CDC14A: variants seen among roughly 807,000 people sequenced by gnomAD.
CDC14A encodes dual specificity protein phosphatase CDC14A.
Under a neutral mutation model 74.4 loss-of-function variants are expected in CDC14A, and 53 were observed. The ratio of observed to expected loss-of-function variants is 0.71; its 90% confidence interval spans 0.57 to 0.89. The LOEUF is 0.89. Ranked by LOEUF, CDC14A falls within the 40% of genes least tolerant of loss-of-function variation. The pLI is 0.00. For synonymous variants in CDC14A, 247 were observed against 258.4 expected, an observed-to-expected ratio of 0.96 and a Z score of 0.43; for missense variants, 646 against 713.7, an observed-to-expected ratio of 0.91 and a Z score of 1.08.
intron 10 of CDC14A, among the ~76,000 whole-genome samples, chr1:100,478,833 G>A (rs1669176125): frequency 6.6e-6 from 1 of 152,136 alleles, no homozygotes; most frequent in Non-Finnish European, 1.5e-5. Flanking sequence ...TAACTTTGTT[G>A]CAAGCCTTCC....
At chr1:100,355,737 C>G (rs1001970803) in intron 2 of CDC14A, among the ~76,000 whole-genome samples, 17 of 152,078 alleles carry the variant, frequency 1.1e-4, no homozygotes, top group African/African-American at 4.1e-4. Context: ...TTTTGTTACC[C>G]CAACATATTA....
At chr1:100,505,655 G>A (rs1194441052) in intron 15 of CDC14A, among the ~76,000 whole-genome samples, 1 of 152,162 alleles carries the variant, frequency 6.6e-6, no homozygotes, top group East Asian at 1.9e-4. Context: ...ATGTAGTAGT[G>A]TTTCCCGATA....
intron 4 of CDC14A, among the ~76,000 whole-genome samples, chr1:100,405,856 T>G (rs1659872644): frequency 6.6e-6 from 1 of 152,252 alleles, no homozygotes; most frequent in Non-Finnish European, 1.5e-5. Flanking sequence ...GCATGCATCT[T>G]TGTAATAGAA....
chr1:100,376,235 G>T (rs923019457), intron 2 of CDC14A, among the ~76,000 whole-genome samples: 14 of 151,998 alleles, frequency 9.2e-5, no homozygotes, highest in African/African-American at 3.4e-4. Flanking sequence ...ACACCAACAT[G>T]GCACATGTAT....
intron 4 of CDC14A, among the ~76,000 whole-genome samples, chr1:100,398,653 T>TTG (rs1658868235): frequency 1.3e-5 from 2 of 152,198 alleles, no homozygotes; most frequent in Admixed American, 1.3e-4. Context: ...AATGCCTAGC[T>TTG]TAAAATGTGG....
At chr1:100,471,657 T>C (rs1385714483) in intron 10 of CDC14A, among the ~76,000 whole-genome samples, 1 of 152,056 alleles carries the variant, frequency 6.6e-6, no homozygotes, top group Non-Finnish European at 1.5e-5. Context: ...AATTAACCAA[T>C]AGAATAGAAT....
Position 100,467,964 on chromosome 1 carries a change from G to A in CDC14A, c.847G>A (p.Gly283Arg). The A allele has an allele frequency of 2.5e-6, 4 of 1,591,548 alleles. No homozygotes were observed. The highest frequency in any genetic ancestry group is 2.6e-6 in the Non-Finnish European group (3 of 1,172,808). ...AIAVHCKAGL[G>R]RTGTLIACYV... ...GTTTCATTCTCTTACAGCTGGTCTTGGAAGAACAGGGACATTGATAGCCTG... is the reference window on the plus strand; with the variant it reads ...GTTTCATTCTCTTACAGCTGGTCTTAGAAGAACAGGGACATTGATAGCCTG... The change falls in exon 10 of 16, where the codon GGA becomes AGA. Residue 283 changes from glycine to arginine, a missense_variant. Transcript: ENST00000336454.
chr1:100,382,813 A>G (rs1004101766), intron 3 of CDC14A, among the ~76,000 whole-genome samples: 1 of 152,236 alleles, frequency 6.6e-6, no homozygotes, highest in Non-Finnish European at 1.5e-5. Flanking sequence ...GGTGGGTATC[A>G]TGAAACCAAC....
chr1:100,410,807 G>T (rs1162505336), intron 4 of CDC14A, among the ~76,000 whole-genome samples: 4 of 152,198 alleles, frequency 2.6e-5, no homozygotes, highest in Non-Finnish European at 5.9e-5. Context: ...CCACGATGGT[G>T]ATCACCGAAT....
At chr1:100,353,266 C>G (rs1036740549) in intron 1 of CDC14A, among the ~76,000 whole-genome samples, 2 of 152,264 alleles carry the variant, frequency 1.3e-5, no homozygotes, top group African/African-American at 4.8e-5. Flanking sequence ...CGTACTCCGG[C>G]ACTCAGCAGC....
Position 100,442,988 on chromosome 1 carries a change from C to A in CDC14A, c.511C>A (p.His171Asn). 1 of 1,586,692 alleles carries A rather than the reference C, an allele frequency of 6.3e-7. No homozygotes were observed. The highest frequency in any genetic ancestry group is 8.6e-7 in the Non-Finnish European group (1 of 1,156,374). The change falls in exon 7 of 16, where the codon CAT (histidine) becomes AAT (asparagine). Residue 171 changes from histidine (H) to asparagine (N), a missense_variant. Physicochemically the swap from His to Asn is moderately conservative, Grantham distance 68 (BLOSUM62 1). Transcript: ENST00000336454. ...GACATTTGATGTGGATGAATATGAACATTATGAGGTTTGTACATTTAATTT... is the reference window on the plus strand; with the variant it reads ...GACATTTGATGTGGATGAATATGAAAATTATGAGGTTTGTACATTTAATTT... ...FETFDVDEYE[H>N]YERVENGDFN... is the part of the protein sequence containing the mutation.
Position 100,498,094 on chromosome 1 carries a change from A to T in CDC14A, c.1308A>T (p.Ser436=). 6.2e-7 allele frequency: 1 copy of T among 1,612,418 alleles called. No homozygotes were observed. Among genetic ancestry groups the T allele is most frequent in the South Asian group, 1.1e-5 (1 of 90,572 alleles). Residue 436 remains serine, a synonymous_variant, in exon 14 of 16, where the codon TCA becomes TCT. Coordinates refer to ENST00000336454, the MANE Select transcript of CDC14A (RefSeq NM_003672.4). The part of the protein sequence containing the change: ...RAVSQPFRLS[S]SLQGSAVTLK... ...ATTTTTCTCCGCAAAGATTAAGTTC[A>T]TCCCTGCAAGGATCTGCAGTTACTT...
At chr1:100,346,751 T>G (rs1043987030) in intron 1 of CDC14A, among the ~76,000 whole-genome samples, 13 of 152,176 alleles carry the variant, frequency 8.5e-5, no homozygotes, top group Non-Finnish European at 1.8e-4. Context: ...GGACAATAAA[T>G]TGACTACTCT....
At chr1:100,516,468 A>G (rs758432196) in intron 15 of CDC14A, among the ~76,000 whole-genome samples, 60 of 152,184 alleles carry the variant, frequency 3.9e-4, no homozygotes, top group Non-Finnish European at 7.5e-4. Flanking sequence ...AGAATTTCTG[A>G]TTTCTGTTAG....
At chr1:100,455,719 G>A (rs1410998224) in intron 8 of CDC14A, among the ~76,000 whole-genome samples, 1 of 152,152 alleles carries the variant, frequency 6.6e-6, no homozygotes, top group African/African-American at 2.4e-5. Flanking sequence ...GCCATAAATA[G>A]GATGTTCACT....
intron 10 of CDC14A, among the ~76,000 whole-genome samples, chr1:100,480,364 A>G (rs182205127): frequency 1.3e-5 from 2 of 152,316 alleles, no homozygotes; most frequent in East Asian, 1.9e-4. Context: ...TTGTATGTAT[A>G]TATCCCATTT....
intron 15 of CDC14A, among the ~76,000 whole-genome samples, chr1:100,503,504 C>A (rs1219926037): frequency 6.6e-6 from 1 of 152,292 alleles, no homozygotes; most frequent in East Asian, 1.9e-4. Context: ...TGCAGCAGTT[C>A]AGCCCCCAGA....
intron 5 of CDC14A, among the ~76,000 whole-genome samples, chr1:100,432,639 A>G (rs1465703288): frequency 6.6e-6 from 1 of 152,202 alleles, no homozygotes; most frequent in Non-Finnish European, 1.5e-5. Context: ...AAAATGTAAG[A>G]TATCTTATTT....
chr1:100,485,557 C>A (rs541214466), intron 11 of CDC14A, among the ~76,000 whole-genome samples: 1 of 151,268 alleles, frequency 6.6e-6, no homozygotes, highest in South Asian at 2.1e-4. Flanking sequence ...AGCAAGCACC[C>A]GTCTAAAAAA....
Sources: allele counts gnomAD v4.1 joint callset (sites outside exome capture counted in the v4.1 genomes callset), GRCh38; gene constraint gnomAD v4.1.1; transcripts MANE v1.5; gene names NCBI Gene and HGNC (gene_info 2026-07-23, HGNC 2026-07-21).